The following ADCK1 variants were observed in gnomAD, a reference collection of about 807,000 sequenced individuals.
ADCK1 encodes the protein aarF domain containing kinase 1.
ADCK1 carries 41 observed loss-of-function variants against 52.3 expected under a neutral mutation model. The ratio of observed to expected loss-of-function variants is 0.78; its 90% confidence interval spans 0.61 to 1.02. The LOEUF (loss-of-function observed/expected upper bound fraction) is 1.02. ADCK1 is among the 50% of genes least tolerant of loss of function. The pLI is 0.00. For missense variants in ADCK1, 658 were observed against 679.5 expected (o/e 0.97, Z 0.35); for synonymous variants, 250 against 274.6 (o/e 0.91, Z 0.89).
At chr14:77,835,296 T>G (rs1246522122) in intron 3 of ADCK1, among the ~76,000 whole-genome samples, 1 of 152,234 alleles carries the variant, frequency 6.6e-6, no homozygotes, top group Non-Finnish European at 1.5e-5. Flanking sequence ...GTGATCACCC[T>G]CATGATCATT....
intron 3 of ADCK1, among the ~76,000 whole-genome samples, chr14:77,831,571 C>A (rs1433661939): frequency 6.6e-6 from 1 of 152,178 alleles, no homozygotes; most frequent in East Asian, 1.9e-4. Flanking sequence ...GAGTCAGACA[C>A]TGTCAACTTT....
chr14:77,897,648 C>G (rs1383688026), intron 5 of ADCK1, among the ~76,000 whole-genome samples: 2 of 152,204 alleles, frequency 1.3e-5, no homozygotes, highest in Non-Finnish European at 2.9e-5. Context: ...CTCTCTGTCT[C>G]CTCTCGTCTT....
At chr14:77,879,049 C>T (rs547146999) in intron 4 of ADCK1, among the ~76,000 whole-genome samples, 6 of 152,236 alleles carry the variant, frequency 3.9e-5, no homozygotes, top group African/African-American at 1.4e-4. Flanking sequence ...CCTTCATCCA[C>T]AGCTCTCAAG....
intron 5 of ADCK1, among the ~76,000 whole-genome samples, chr14:77,890,739 G>C (rs1040004612): frequency 3.9e-5 from 6 of 152,192 alleles, no homozygotes; most frequent in Non-Finnish European, 7.3e-5. Context: ...CCTGATCGGG[G>C]TGAAAAAGAA....
At chr14:77,877,672 T>C (rs2082930304) in intron 4 of ADCK1, among the ~76,000 whole-genome samples, 1 of 152,212 alleles carries the variant, frequency 6.6e-6, no homozygotes, top group South Asian at 2.1e-4. Context: ...GCTGTTCCCT[T>C]TGCCTGGAAG....
chr14:77,911,162 A>G (rs1471032417), intron 7 of ADCK1, among the ~76,000 whole-genome samples: 3 of 152,158 alleles, frequency 2.0e-5, no homozygotes, highest in Admixed American at 6.5e-5. Flanking sequence ...TATTAACCCT[A>G]TTTACAGATG....
At chr14:77,902,766 G>A (rs1005312813) in intron 6 of ADCK1, 1 of 152,218 alleles carries the variant, frequency 6.6e-6, no homozygotes, top group African/African-American at 2.4e-5. Context: ...CTTCTAAGAA[G>A]TATTGACTAT....
chr14:77,918,896 C>T (rs1180738768), intron 7 of ADCK1, among the ~76,000 whole-genome samples: 2 of 152,136 alleles, frequency 1.3e-5, no homozygotes, highest in African/African-American at 4.8e-5. Flanking sequence ...AAAAGATAAC[C>T]TCAAAGGTTG....
chr14:77,817,518 C>T lies in ADCK1; in HGVS notation c.-11-1450C>T, dbSNP rs908435576. 2.6e-5 allele frequency among the ~76,000 whole-genome samples: 4 copies of T among 152,126 alleles called. 1 individual carries two copies. The South Asian group carries it at 8.3e-4, about 31-fold the overall frequency. ...GGAAGCACTCTGTTGGGTGCACTGGCCGCAAAGAGTGACTGTGCAGCCACC... is the reference window on the plus strand; with the variant it reads ...GGAAGCACTCTGTTGGGTGCACTGGTCGCAAAGAGTGACTGTGCAGCCACC... On this transcript the variant is annotated intron_variant, in intron 1 of 10. Transcript: ENST00000238561.
chr14:77,818,831 C>T (rs544716207), intron 1 of ADCK1, 137 bp from the exon 2 acceptor site: 105 of 1,005,850 alleles, frequency 1.0e-4, no homozygotes, highest in African/African-American at 8.9e-4. Context: ...GTTTTACAAA[C>T]GAAGAAACTA....
intron 4 of ADCK1, among the ~76,000 whole-genome samples, chr14:77,881,026 C>T (rs1275677039): frequency 6.6e-6 from 1 of 152,232 alleles, no homozygotes; most frequent in Non-Finnish European, 1.5e-5. Context: ...CAGGAATGGA[C>T]TGGTGATGTC....
In ADCK1 at chr14:77,923,406, T is replaced by G. The variant is rs2084107157; in HGVS notation, c.859-1051T>G. The stretch of plus-strand genomic sequence containing the variant: ...AGAGTGAATATGGCTGGAATGTCAG[T>G]GTGGTGTGAGATGAGACCAGGCAGG... On this transcript the variant is annotated intron_variant, in intron 7 of 10. Coordinates refer to ENST00000238561, the MANE Select transcript of ADCK1 (RefSeq NM_020421.4). This position sits in a 1 kb window ranked among gnomAD's most constrained non-coding sequence, Gnocchi z 4.3. 6.6e-6 allele frequency: 1 copy of G among 152,186 alleles called. No individual in the cohort carries two copies. Among genetic ancestry groups the G allele is most frequent in the Non-Finnish European group, 1.5e-5 (1 of 68,140 alleles). 9.4% of individuals were successfully genotyped at this position (152,186 alleles called of 1,614,324 possible). A position where few individuals can be genotyped will look rare whatever the true frequency, so the allele number is the denominator to read the frequency against.
intron 5 of ADCK1, among the ~76,000 whole-genome samples, chr14:77,895,947 C>T (rs939614232): frequency 2.0e-4 from 30 of 152,102 alleles, no homozygotes; most frequent in Non-Finnish European, 2.9e-4. Flanking sequence ...TCAAAGAACC[C>T]CCTTCATTTT....
Position 77,931,682 on chromosome 14 carries a change from G to A in ADCK1, c.1371G>A (p.Met457Ile), listed in dbSNP as rs767316774. The A allele has an allele frequency of 2.2e-5, 36 of 1,606,332 alleles. No homozygotes were observed. The highest frequency in any genetic ancestry group is 2.9e-5 in the Non-Finnish European group (34 of 1,179,982). ...CCAGCGCCAGCTCCTTTCTCAACAT[G>A]TCACGTTGCTGCATCAGAGCGCTAG... ...TRASASSFLN[M>I]SRCCIRALAE... Residue 457 changes from methionine to isoleucine, a missense_variant, in exon 10 of 11, where the codon ATG (methionine) becomes ATA (isoleucine). Physicochemically the swap from Met to Ile is conservative, Grantham distance 10. Coordinates refer to ENST00000238561, the MANE Select transcript of ADCK1 (RefSeq NM_020421.4).
chr14:77,853,053 G>GAT (rs995564865), intron 3 of ADCK1, among the ~76,000 whole-genome samples: 3 of 129,122 alleles, frequency 2.3e-5, no homozygotes, highest in African/African-American at 8.6e-5. Context: ...TGCCTGGCCT[G>GAT]ATATTTTTTT....
chr14:77,912,803 C>T (rs1460531751), intron 7 of ADCK1, among the ~76,000 whole-genome samples: 4 of 152,138 alleles, frequency 2.6e-5, no homozygotes, highest in Non-Finnish European at 5.9e-5. Context: ...GTTGTATCAG[C>T]CTCACTCCGC....
chr14:77,823,653 A>G (rs888203612), intron 3 of ADCK1, among the ~76,000 whole-genome samples: 11 of 150,542 alleles, frequency 7.3e-5, no homozygotes, highest in African/African-American at 2.0e-4. Context: ...GCTCATTGCA[A>G]CCTCCGTTTC....
At chr14:77,897,860 G>A (rs1322565598) in intron 5 of ADCK1, among the ~76,000 whole-genome samples, 1 of 152,210 alleles carries the variant, frequency 6.6e-6, no homozygotes, top group Non-Finnish European at 1.5e-5. Context: ...CACAGCAGCA[G>A]TTGAGCTAAG....
chr14:77,800,467 C>T (rs1262401032), intron 1 of ADCK1, among the ~76,000 whole-genome samples: 3 of 152,262 alleles, frequency 2.0e-5, no homozygotes, highest in Non-Finnish European at 4.4e-5. Context: ...GTGGCACAGT[C>T]TTGCAGGCAC....
Sources: allele counts gnomAD v4.1 joint callset (sites outside exome capture counted in the v4.1 genomes callset), GRCh38; gene constraint gnomAD v4.1.1; non-coding constraint Gnocchi (gnomAD v3.1); transcripts MANE v1.5; gene names NCBI Gene and HGNC (gene_info 2026-07-23, HGNC 2026-07-21).